DHX15: variants seen among roughly 807,000 people sequenced by gnomAD.
DHX15 encodes the protein DEAH-box helicase 15, also known as ATP-dependent RNA helicase DHX15.
In DHX15, 11 loss-of-function variants were observed where a neutral mutation model predicts 94.4. The ratio of observed to expected loss-of-function variants is 0.12; its 90% CI spans 0.07 to 0.19. DHX15 has a LOEUF of 0.19. DHX15 is among the 10% of genes least tolerant of loss of function. The probability of loss-of-function intolerance (pLI) is 1.00; values close to 1 mark genes in which losing one functional copy is unlikely to be tolerated. For synonymous variants in DHX15, 338 were observed against 329.9 expected, an observed-to-expected ratio of 1.02 and a Z score of -0.27; for missense variants, 304 against 988.5, an observed-to-expected ratio of 0.31 and a Z score of 9.29.
At chr4:24,580,677 G>C (rs886818837) in intron 1 of DHX15, 1 of 151,952 alleles carries the variant, frequency 6.6e-6, no homozygotes, top group Non-Finnish European at 1.5e-5. Flanking sequence ...CATGCCCAGT[G>C]TATTTTTGTA....
intron 3 of DHX15, among the ~76,000 whole-genome samples, chr4:24,563,944 G>C (rs1577345932): frequency 6.6e-6 from 1 of 152,006 alleles, no homozygotes; most frequent in Non-Finnish European, 1.5e-5. Flanking sequence ...GTGGGCAGCT[G>C]TAGTCCCAGC....
At chr4:24,528,589 A>G (rs978410517) in intron 13 of DHX15, among the ~76,000 whole-genome samples, 5 of 152,224 alleles carry the variant, frequency 3.3e-5, no homozygotes, top group Admixed American at 6.5e-5. Context: ...CCAAATCCGT[A>G]TAAGAAAGCA....
At chr4:24,567,766 G>GT (rs1459205304) in intron 3 of DHX15, among the ~76,000 whole-genome samples, 1 of 152,048 alleles carries the variant, frequency 6.6e-6, no homozygotes, top group Non-Finnish European at 1.5e-5. Context: ...ATCTCTTTGG[G>GT]TTTTTTCTTC....
At chr4:24,576,807 C>G in intron 1 of DHX15, 129 bp from the exon 2 acceptor site, 1 of 1,334,168 alleles carries the variant, frequency 7.5e-7, no homozygotes, top group Non-Finnish European at 1.0e-6. Context: ...ATGTAACTAT[C>G]AGAAATAATA....
At chr4:24,538,329 A>T (rs1721235162) in intron 10 of DHX15, 1 of 152,178 alleles carries the variant, frequency 6.6e-6, no homozygotes, top group Non-Finnish European at 1.5e-5. Flanking sequence ...AAAGATGCCA[A>T]AATAGCCAAA....
intron 3 of DHX15, among the ~76,000 whole-genome samples, chr4:24,565,541 C>G (rs1721974084): frequency 6.6e-6 from 1 of 152,152 alleles, no homozygotes; most frequent in Non-Finnish European, 1.5e-5. Flanking sequence ...CTTAAAGTGC[C>G]ACATCTGTTT....
intron 1 of DHX15, among the ~76,000 whole-genome samples, chr4:24,578,478 C>T (rs1042664956): frequency 1.7e-4 from 26 of 152,206 alleles, no homozygotes; most frequent in African/African-American, 5.8e-4. Context: ...TCTTAAAGAA[C>T]ATCTGGTCTG....
chr4:24,545,483 C>T (rs1230555483), intron 6 of DHX15, among the ~76,000 whole-genome samples: 2 of 152,150 alleles, frequency 1.3e-5, no homozygotes, highest in Non-Finnish European at 2.9e-5. Flanking sequence ...GGCAAACCCT[C>T]GTCATTATTG....
chr4:24,554,421 T>C (rs1721679649), intron 5 of DHX15, among the ~76,000 whole-genome samples: 1 of 152,220 alleles, frequency 6.6e-6, no homozygotes, highest in African/African-American at 2.4e-5. Context: ...GCAGCTGTGA[T>C]GCACATTCAT....
At chr4:24,579,223 C>T (rs1473618999) in intron 1 of DHX15, among the ~76,000 whole-genome samples, 1 of 152,138 alleles carries the variant, frequency 6.6e-6, no homozygotes, top group Non-Finnish European at 1.5e-5. Context: ...CTTTTAGTCT[C>T]AGATTAAAGT....
chr4:24,545,659 G>C (rs1288260300), intron 6 of DHX15, among the ~76,000 whole-genome samples: 1 of 152,204 alleles, frequency 6.6e-6, no homozygotes, highest in Non-Finnish European at 1.5e-5. Flanking sequence ...TAAATGACAA[G>C]ATAAAAGCTT....
chr4:24,581,905 A>C (rs570745574), intron 1 of DHX15, among the ~76,000 whole-genome samples: 61 of 152,242 alleles, frequency 4.0e-4, no homozygotes, highest in Non-Finnish European at 8.5e-4. Context: ...CAAAGTTAAA[A>C]TATGCCAGGA....
At chr4:24,548,140 C>CTTTT (rs71196189) in intron 6 of DHX15, among the ~76,000 whole-genome samples, 18 of 108,170 alleles carry the variant, frequency 1.7e-4, no homozygotes, top group South Asian at 3.2e-4. Context: ...ATCAGTGCTA[C>CTTTT]TTTTTTTTTT....
At chr4:24,528,863 T>C (rs2109389927) in intron 13 of DHX15, among the ~76,000 whole-genome samples, 1 of 151,512 alleles carries the variant, frequency 6.6e-6, no homozygotes, top group South Asian at 2.1e-4. Context: ...AATAAATAGT[T>C]GAGGGCTAAT....
chr4:24,582,256 G>A (rs1041099328), intron 1 of DHX15, among the ~76,000 whole-genome samples: 1 of 152,106 alleles, frequency 6.6e-6, no homozygotes, highest in Non-Finnish European at 1.5e-5. Context: ...CTTATAACTT[G>A]GGCATTATTC....
At position 24,537,203 on chromosome 4, in the gene DHX15, A is replaced by T. The variant is rs1016327298; in HGVS notation, c.1787-30T>A. 6.2e-7 allele frequency: 1 copy of T among 1,612,364 alleles called. No homozygotes were observed. The highest frequency in any genetic ancestry group is 8.5e-7 in the Non-Finnish European group (1 of 1,179,062). On this transcript the variant is annotated intron_variant, in intron 10 of 13. Transcript: ENST00000336812. The surrounding 1 kb of genome is among the most constrained non-coding windows in gnomAD (Gnocchi z 4.7). ...ACAAGGTTGGTATGGGCCCAACACA[A>T]ACGCCCATATCGATGAGTCACGCAT...
At position 24,584,259 on chromosome 4, in the gene DHX15, C is replaced by G; in HGVS notation, c.71+64G>C. ...ACCCGCTCGGCCAGGCCAGCCCCGG[C>G]CCGCTCCCTGCCAGGACCCCAACAA... On this transcript the variant is annotated intron_variant, in intron 1 of 13. Coordinates refer to ENST00000336812, the MANE Select transcript of DHX15 (RefSeq NM_001358.3). 3.9e-6 allele frequency: 6 copies of G among 1,522,176 alleles called. No individual in the cohort carries two copies. The South Asian group carries it at 7.1e-5, about 18-fold the overall frequency. 94.3% of individuals were successfully genotyped at this position (1,522,176 alleles called of 1,614,324 possible).
intron 3 of DHX15, among the ~76,000 whole-genome samples, chr4:24,567,040 T>G (rs1722007870): frequency 6.6e-6 from 1 of 152,202 alleles, no homozygotes; most frequent in African/African-American, 2.4e-5. Context: ...AACTATTAGC[T>G]GACTGAATGA....
At chr4:24,555,354 A>G (rs1196040531) in intron 4 of DHX15, among the ~76,000 whole-genome samples, 1 of 152,100 alleles carries the variant, frequency 6.6e-6, no homozygotes, top group Non-Finnish European at 1.5e-5. Flanking sequence ...TCCTCCATAA[A>G]AAGTTTCATA....
Sources: allele counts gnomAD v4.1 joint callset (sites outside exome capture counted in the v4.1 genomes callset), GRCh38; gene constraint gnomAD v4.1.1; non-coding constraint Gnocchi (gnomAD v3.1); transcripts MANE v1.5; gene names NCBI Gene and HGNC (gene_info 2026-07-23, HGNC 2026-07-21).